SNTG2: variants seen among roughly 807,000 people sequenced by gnomAD.
SNTG2 encodes the protein gamma-2-syntrophin.
A neutral mutation model predicts 70.9 loss-of-function variants in SNTG2; 74 were observed. That is an observed-to-expected ratio of 1.04 (90% CI 0.86 to 1.27). The LOEUF (loss-of-function observed/expected upper bound fraction) is 1.27, where lower values mean the gene tolerates loss of function less well. Ranked by LOEUF, SNTG2 falls within the 50% of genes most tolerant of loss-of-function variation. The pLI is 0.00. For synonymous variants in SNTG2, 278 were observed against 273.8 expected, an observed-to-expected ratio of 1.02 and a Z score of -0.15; for missense variants, 717 against 690.7, an observed-to-expected ratio of 1.04 and a Z score of -0.43.
intron 1 of SNTG2, among the ~76,000 whole-genome samples, chr2:1,014,484 A>T (rs1659816351): frequency 1.1e-5 from 1 of 90,844 alleles, no homozygotes; most frequent in Admixed American, 1.1e-4. Flanking sequence ...AAGGACAGAG[A>T]GAAGGGTGGT....
chr2:1,183,287 A>G (rs958902381), intron 8 of SNTG2, among the ~76,000 whole-genome samples: 1 of 152,110 alleles, frequency 6.6e-6, no homozygotes, highest in African/African-American at 2.4e-5. Context: ...ATTGGGGCCT[A>G]TTACATATAA....
At chr2:1,224,459 C>T (rs936163968) in intron 9 of SNTG2, among the ~76,000 whole-genome samples, 3 of 152,216 alleles carry the variant, frequency 2.0e-5, no homozygotes, top group Non-Finnish European at 4.4e-5. Flanking sequence ...CCCCCTCTCG[C>T]CTCCTCTGCT....
chr2:1,033,916 G>A (rs1660983513), intron 1 of SNTG2, among the ~76,000 whole-genome samples: 1 of 152,118 alleles, frequency 6.6e-6, no homozygotes, highest in Admixed American at 6.6e-5. Flanking sequence ...AATGTGTTAA[G>A]TATAGTGATT....
chr2:979,454 C>A (rs1474429373), intron 1 of SNTG2, among the ~76,000 whole-genome samples: 5 of 152,112 alleles, frequency 3.3e-5, no homozygotes. Flanking sequence ...GGGAGCTTGC[C>A]CGTCGGGCTG....
At chr2:1,215,274 A>C (rs1394162766) in intron 9 of SNTG2, among the ~76,000 whole-genome samples, 5 of 151,998 alleles carry the variant, frequency 3.3e-5, no homozygotes, top group African/African-American at 1.2e-4. Context: ...AGTGTTCCCT[A>C]CTCTTCAATT....
chr2:1,079,551 A>G (rs1664145745), intron 1 of SNTG2, among the ~76,000 whole-genome samples: 1 of 152,206 alleles, frequency 6.6e-6, no homozygotes, highest in Non-Finnish European at 1.5e-5. Context: ...ATGATCTATT[A>G]GAGGTCTTTG....
chr2:1,293,158 T>C (rs1489582543), intron 14 of SNTG2, among the ~76,000 whole-genome samples: 2 of 94,954 alleles, frequency 2.1e-5, no homozygotes, highest in Admixed American at 9.4e-5. Flanking sequence ...ACTCTGTTAC[T>C]TTTTTTTTTT....
At chr2:1,216,170 A>G (rs1674379007) in intron 9 of SNTG2, among the ~76,000 whole-genome samples, 1 of 152,236 alleles carries the variant, frequency 6.6e-6, no homozygotes, top group African/African-American at 2.4e-5. Flanking sequence ...CAGTCCCACC[A>G]ACAGTGTAAA....
At chr2:1,070,935 T>A (rs1310937229) in intron 1 of SNTG2, among the ~76,000 whole-genome samples, 2 of 152,194 alleles carry the variant, frequency 1.3e-5, no homozygotes, top group Non-Finnish European at 2.9e-5. Flanking sequence ...TGAACTGGCT[T>A]GCGTCCTGCC....
intron 9 of SNTG2, among the ~76,000 whole-genome samples, chr2:1,222,097 CTCTCTCTGTCTCTCTCTGTCT>C: frequency 6.0e-5 from 1 of 16,674 alleles, no homozygotes; most frequent in African/African-American, 2.5e-4. Context: ...CTCTCTCTGT[CTCTCTCTGTCTCTCTCTGTCT>C]CTCTCTGTCT....
intron 14 of SNTG2, among the ~76,000 whole-genome samples, chr2:1,296,087 C>T (rs1680199013): frequency 6.6e-6 from 1 of 151,572 alleles, no homozygotes; most frequent in South Asian, 2.1e-4. Flanking sequence ...CCATCGATGC[C>T]TTCCACTGTA....
At chr2:1,144,590 A>G (rs1668976044) in intron 6 of SNTG2, among the ~76,000 whole-genome samples, 1 of 152,206 alleles carries the variant, frequency 6.6e-6, no homozygotes, top group African/African-American at 2.4e-5. Context: ...TCACACTTCT[A>G]CGTGGCTGGG....
chr2:1,115,417 T>C (rs1177415149), intron 4 of SNTG2, among the ~76,000 whole-genome samples: 1 of 143,726 alleles, frequency 7.0e-6, no homozygotes, highest in Non-Finnish European at 1.5e-5. Flanking sequence ...ATAGTCCTTT[T>C]AGGAGAATTG....
intron 7 of SNTG2, among the ~76,000 whole-genome samples, chr2:1,170,141 C>T (rs767010270): frequency 9.7e-5 from 14 of 144,312 alleles, no homozygotes; most frequent in South Asian, 4.4e-4. Flanking sequence ...CATTTTAAAA[C>T]GTTTATCAAA....
At chr2:1,208,743 G>A (rs573514448) in intron 8 of SNTG2, among the ~76,000 whole-genome samples, 6 of 152,226 alleles carry the variant, frequency 3.9e-5, no homozygotes, top group African/African-American at 1.4e-4. Context: ...ACCTAAACTC[G>A]CTGAGTGGAC....
At chr2:1,068,689 AT>A (rs1181036553) in intron 1 of SNTG2, among the ~76,000 whole-genome samples, 1 of 152,238 alleles carries the variant, frequency 6.6e-6, no homozygotes. Context: ...AATCCATTAC[AT>A]TTCATCTTAA....
At chr2:1,305,878 C>T (rs1680648691) in intron 14 of SNTG2, among the ~76,000 whole-genome samples, 1 of 152,216 alleles carries the variant, frequency 6.6e-6, no homozygotes, top group South Asian at 2.1e-4. Flanking sequence ...GCTATAATTA[C>T]TGCATGTGTG....
chr2:1,251,389 G>A (rs1221189767), intron 12 of SNTG2, among the ~76,000 whole-genome samples: 1 of 151,718 alleles, frequency 6.6e-6, no homozygotes, highest in Non-Finnish European at 1.5e-5. Context: ...GAGTCTAGTA[G>A]TGCTTAGGAA....
intron 4 of SNTG2, among the ~76,000 whole-genome samples, chr2:1,119,522 C>T (rs1033133533): frequency 6.8e-6 from 1 of 147,602 alleles, no homozygotes; most frequent in South Asian, 2.1e-4. Flanking sequence ...ACATCAAGAA[C>T]ATAAACTGTG....
Sources: allele counts gnomAD v4.1 joint callset (sites outside exome capture counted in the v4.1 genomes callset), GRCh38; gene constraint gnomAD v4.1.1; transcripts MANE v1.5; gene names NCBI Gene and HGNC (gene_info 2026-07-23, HGNC 2026-07-21).